Variants in RALYL observed in about 807,000 individuals in gnomAD.
RALYL encodes RALY RNA binding protein like.
Under a neutral mutation model 35.1 loss-of-function variants are expected in RALYL, and 29 were observed. The observed-to-expected ratio is 0.83, with a 90% confidence interval of 0.61 to 1.13. The LOEUF (loss-of-function observed/expected upper bound fraction) is 1.13. RALYL is among the 50% of genes most tolerant of loss of function. The probability of loss-of-function intolerance (pLI) is 0.00; values close to 1 mark genes in which losing one functional copy is unlikely to be tolerated. For missense variants in RALYL, 359 were observed against 360.4 expected (o/e 1.00, Z 0.03); for synonymous variants, 120 against 127.6 (o/e 0.94, Z 0.40).
intron 2 of RALYL, among the ~76,000 whole-genome samples, chr8:84,601,229 A>G (rs1815868346): frequency 6.6e-6 from 1 of 152,156 alleles, no homozygotes; most frequent in African/African-American, 2.4e-5. Flanking sequence ...ATAACAAGTT[A>G]TGTCCATTTT....
At chr8:84,631,214 A>T (rs1823834398) in intron 2 of RALYL, among the ~76,000 whole-genome samples, 1 of 151,968 alleles carries the variant, frequency 6.6e-6, no homozygotes, top group Non-Finnish European at 1.5e-5. Context: ...TCTTTCAGAA[A>T]TCCCTCTTAT....
intron 2 of RALYL, among the ~76,000 whole-genome samples, chr8:84,739,755 T>C (rs913777648): frequency 5.3e-5 from 8 of 151,884 alleles, no homozygotes; most frequent in Non-Finnish European, 1.0e-4. Context: ...TAATGAAAGA[T>C]GAATTTTGAG....
chr8:84,760,724 G>A (rs114061439), intron 2 of RALYL, among the ~76,000 whole-genome samples: 1,946 of 152,058 alleles, frequency 0.013, 44 homozygotes, highest in African/African-American at 0.044. Context: ...TGAATGAAAA[G>A]ACAAATTTAT....
At chr8:84,574,809 A>G (rs939459746) in intron 2 of RALYL, among the ~76,000 whole-genome samples, 2 of 152,142 alleles carry the variant, frequency 1.3e-5, no homozygotes, top group Non-Finnish European at 2.9e-5. Flanking sequence ...TTTATTTGGC[A>G]TATTTCTAAC....
chr8:84,584,789 T>A (rs1564188831), intron 2 of RALYL, among the ~76,000 whole-genome samples: 1 of 152,094 alleles, frequency 6.6e-6, no homozygotes, highest in Non-Finnish European at 1.5e-5. Context: ...AGATGTGGGA[T>A]CCCTAAGTTG....
chr8:84,601,120 G>A (rs1053664010), intron 2 of RALYL, among the ~76,000 whole-genome samples: 2 of 152,124 alleles, frequency 1.3e-5, no homozygotes, highest in Non-Finnish European at 1.5e-5. Flanking sequence ...CATTTAATAT[G>A]CACAAATAGC....
chr8:84,390,484 TG>T (rs1452112174), intron 1 of RALYL, among the ~76,000 whole-genome samples: 1 of 151,996 alleles, frequency 6.6e-6, no homozygotes, highest in Non-Finnish European at 1.5e-5. Flanking sequence ...GACTCTTTTT[TG>T]TTGGTAAGGT....
chr8:84,824,546 G>C (rs1829234070), intron 4 of RALYL, among the ~76,000 whole-genome samples: 1 of 151,976 alleles, frequency 6.6e-6, no homozygotes, highest in South Asian at 2.1e-4. Flanking sequence ...AAAAGAGCCT[G>C]AATATCCAAA....
At chr8:84,796,454 C>A (rs1053135105) in intron 3 of RALYL, among the ~76,000 whole-genome samples, 2 of 152,026 alleles carry the variant, frequency 1.3e-5, no homozygotes, top group Non-Finnish European at 2.9e-5. Context: ...AAGACTCTTT[C>A]TTTATTAAAT....
chr8:84,603,099 T>C (rs1182688490), intron 2 of RALYL, among the ~76,000 whole-genome samples: 2 of 152,064 alleles, frequency 1.3e-5, no homozygotes, highest in African/African-American at 4.8e-5. Context: ...AAATTTTATA[T>C]GTATATTGTA....
intron 4 of RALYL, 32 bp downstream of exon 4, chr8:84,804,834 A>G: frequency 9.9e-7 from 1 of 1,007,418 alleles, no homozygotes; most frequent in Non-Finnish European, 1.3e-6. Flanking sequence ...TTAAGTATTA[A>G]TTATTTAATT....
chr8:84,252,231 C>T (rs1444491690), intron 1 of RALYL, among the ~76,000 whole-genome samples: 1 of 152,084 alleles, frequency 6.6e-6, no homozygotes, highest in Non-Finnish European at 1.5e-5. Context: ...TCTACCAACA[C>T]TTAATAAACT....
At chr8:84,847,005 G>T (rs1834797364) in intron 4 of RALYL, among the ~76,000 whole-genome samples, 1 of 152,068 alleles carries the variant, frequency 6.6e-6, no homozygotes, top group African/African-American at 2.4e-5. Flanking sequence ...GGGTTAATTT[G>T]CTCTTGTTTT....
intron 3 of RALYL, among the ~76,000 whole-genome samples, chr8:84,795,791 C>T (rs957796840): frequency 3.3e-5 from 5 of 152,164 alleles, no homozygotes; most frequent in Admixed American, 6.6e-5. Flanking sequence ...TCCCAGCAGC[C>T]ACCATCAGTC....
chr8:84,430,172 C>T (rs977462737), intron 1 of RALYL, among the ~76,000 whole-genome samples: 3 of 151,932 alleles, frequency 2.0e-5, no homozygotes, highest in African/African-American at 7.3e-5. Flanking sequence ...ATATATTGGT[C>T]AGAATAACCC....
At chr8:84,846,258 T>C (rs1422067770) in intron 4 of RALYL, among the ~76,000 whole-genome samples, 1 of 152,228 alleles carries the variant, frequency 6.6e-6, no homozygotes, top group Non-Finnish European at 1.5e-5. Flanking sequence ...TGATGCTGAT[T>C]CTTCCAATCC....
At chr8:84,888,276 T>G (rs1465617128) in intron 8 of RALYL, among the ~76,000 whole-genome samples, 1 of 152,238 alleles carries the variant, frequency 6.6e-6, no homozygotes, top group Admixed American at 6.5e-5. Context: ...TACTGCCTGA[T>G]AATCAGTTAT....
chr8:84,411,041 T>A (rs576138010), intron 1 of RALYL, among the ~76,000 whole-genome samples: 70 of 151,966 alleles, frequency 4.6e-4, no homozygotes, highest in African/African-American at 1.6e-3. Flanking sequence ...AATGCAAACT[T>A]TTTTCAAAAT....
intron 2 of RALYL, among the ~76,000 whole-genome samples, chr8:84,761,337 TAAGTCAAAAAAACTA>T (rs1812657430): frequency 1.3e-5 from 2 of 151,908 alleles, no homozygotes; most frequent in Non-Finnish European, 2.9e-5. Flanking sequence ...ATATGATACA[TAAGTCAAAAAAACTA>T]AGCAAAGTGT....
Sources: gnomAD v4.1 joint callset for allele counts (sites outside exome capture counted in the v4.1 genomes callset) on GRCh38, gnomAD v4.1.1 for gene constraint, MANE v1.5 for transcripts, NCBI Gene and HGNC (gene_info 2026-07-23, HGNC 2026-07-21) for gene names.